The following SGMS2 variants were observed in gnomAD, a reference collection of about 807,000 sequenced individuals.
SGMS2 encodes the protein phosphatidylcholine:ceramide cholinephosphotransferase 2.
In SGMS2, 21 loss-of-function variants were observed where a neutral mutation model predicts 43.8. The observed-to-expected ratio is 0.48, with a 90% CI of 0.34 to 0.69. The LOEUF (loss-of-function observed/expected upper bound fraction) is 0.69. SGMS2 is among the 30% of genes least tolerant of loss of function. The pLI is 0.01. For missense variants in SGMS2, 384 were observed against 443.2 expected (o/e 0.87, Z 1.20); for synonymous variants, 167 against 160.6 (o/e 1.04, Z -0.30).
intron 2 of SGMS2, among the ~76,000 whole-genome samples, chr4:107,865,967 C>G (rs898007856): frequency 2.6e-5 from 4 of 152,104 alleles, no homozygotes; most frequent in African/African-American, 9.7e-5. Context: ...ATGCCAATGG[C>G]CAATCATTTA....
chr4:107,895,499 T>C lies in SGMS2; in HGVS notation c.-55T>C. On this transcript the variant is annotated 5_prime_UTR_variant, in exon 3 of 7. Transcript: ENST00000690982. ...TAGAAGGATTGAAAAAAGCTAAATT[T>C]CCACAAAGAACAAGAACTTGACCAT... 1 of 1,526,092 alleles carries C rather than the reference T, an allele frequency of 6.6e-7. No homozygotes were observed. The highest frequency in any genetic ancestry group is 8.8e-7 in the Non-Finnish European group (1 of 1,134,926). The allele number at this position is 1,526,092 out of a possible 1,614,324, so 94.5% of individuals were successfully genotyped here.
intron 1 of SGMS2, among the ~76,000 whole-genome samples, chr4:107,841,642 G>A (rs527899018): frequency 6.6e-6 from 1 of 151,972 alleles, no homozygotes; most frequent in East Asian, 1.9e-4. Flanking sequence ...TTTTTTATGG[G>A]TACATTGTAG....
At position 107,908,578 on chromosome 4, in the gene SGMS2, C is replaced by G. The variant is rs753846430; in HGVS notation, c.741C>G (p.His247Gln). ...TCTACTGTCCAGATTCGCCTCGTCACTTCTGGTGGTATCATTTAATCTGCT... is the reference window on the plus strand; with the variant it reads ...TCTACTGTCCAGATTCGCCTCGTCAGTTCTGGTGGTATCATTTAATCTGCT... ...YLFIKEYSPR[H>Q]FWWYHLICWL... Residue 247 changes from histidine to glutamine, a missense_variant, in exon 6 of 7, where the codon CAC (histidine) becomes CAG (glutamine). Physicochemically the swap from His to Gln is conservative, Grantham distance 24 (BLOSUM62 0). Transcript: ENST00000690982. The G allele has an allele frequency of 6.2e-7, 1 of 1,613,372 alleles. No individual in the cohort carries two copies. Among genetic ancestry groups the G allele is most frequent in the Non-Finnish European group, 8.5e-7 (1 of 1,179,746 alleles).
intron 2 of SGMS2, among the ~76,000 whole-genome samples, chr4:107,862,957 A>C (rs1032347345): frequency 1.3e-5 from 2 of 152,218 alleles, no homozygotes; most frequent in East Asian, 3.8e-4. Context: ...CCTGAGGTCA[A>C]GTGACCTAGA....
intron 1 of SGMS2, among the ~76,000 whole-genome samples, chr4:107,853,540 T>G (rs1727268147): frequency 6.6e-6 from 1 of 152,204 alleles, no homozygotes; most frequent in Non-Finnish European, 1.5e-5. Flanking sequence ...TTCATAATAT[T>G]AAATGATATT....
intron 1 of SGMS2, among the ~76,000 whole-genome samples, chr4:107,851,765 G>A (rs1196455196): frequency 6.6e-6 from 1 of 151,944 alleles, no homozygotes; most frequent in Non-Finnish European, 1.5e-5. Flanking sequence ...TTTACTTTGG[G>A]TTTCATTTCT....
rs56181543 is a variant in SGMS2 at position 107,837,913 on chromosome 4, G to A, written c.-327+12660G>A. Among the ~76,000 whole-genome samples, 40 of 152,268 alleles carry A rather than the reference G, an allele frequency of 2.6e-4. 1 individual carries two copies. The highest frequency in any genetic ancestry group is 9.6e-4 in the African/African-American group (40 of 41,552). On this transcript the variant is annotated intron_variant, in intron 1 of 6. Transcript: ENST00000690982. ...GGGTAAAGAGTTGTAGTGAATGGTG[G>A]TGTAGTTTAGCCATTGATTAGAGTT...
At position 107,863,747 on chromosome 4, in the gene SGMS2, A is replaced by G. The variant is rs892413043; in HGVS notation, c.-245+5194A>G. The G allele has an allele frequency of 3.9e-5, 6 of 152,094 alleles. No homozygotes were observed. In the East Asian group the frequency reaches 1.2e-3, roughly 29 times the overall value. 9.4% of individuals were successfully genotyped at this position (152,094 alleles called of 1,614,324 possible). ...CCTTCTGTTATATCCCCCTTTTTATATAAGATATAATAAAAATGCAGTCAC... is the reference window on the plus strand; with the variant it reads ...CCTTCTGTTATATCCCCCTTTTTATGTAAGATATAATAAAAATGCAGTCAC... On this transcript the variant is annotated intron_variant, in intron 2 of 6. Transcript: ENST00000690982.
intron 6 of SGMS2, among the ~76,000 whole-genome samples, chr4:107,909,241 G>T (rs754795044): frequency 2.4e-4 from 37 of 151,872 alleles, no homozygotes; most frequent in Non-Finnish European, 4.6e-4. Context: ...AAATAGCTGG[G>T]ATTACAGGTG....
chr4:107,851,668 C>A (rs190642157), intron 1 of SGMS2, among the ~76,000 whole-genome samples: 91 of 152,288 alleles, frequency 6.0e-4, no homozygotes, highest in African/African-American at 2.1e-3. Flanking sequence ...TCTCCCTAAG[C>A]AAGAAGGGCA....
At chr4:107,871,984 T>A (rs1371750114) in intron 2 of SGMS2, among the ~76,000 whole-genome samples, 1 of 152,218 alleles carries the variant, frequency 6.6e-6, no homozygotes. Flanking sequence ...AAGTCCATCA[T>A]GACCAGTGTA....
Position 107,825,620 on chromosome 4 carries a change from C to CTTTTT in SGMS2, c.-327+384_-327+388dup, listed in dbSNP as rs201101875. Reference sequence around the variant, plus strand: ...TGTGTGTGGTTTTTCTTTTCTTTCTCTTTTTTTTTTTTTTTTTTTTTGAGA... The same window carrying CTTTTT: ...TGTGTGTGGTTTTTCTTTTCTTTCTCTTTTTTTTTTTTTTTTTTTTTTTTTTGAGA... On this transcript the variant is annotated intron_variant, in intron 1 of 6. Transcript: ENST00000690982. 6.3e-4 allele frequency among the ~76,000 whole-genome samples: 73 copies of CTTTTT among 116,262 alleles called. 1 individual carries two copies. Among genetic ancestry groups the CTTTTT allele is most frequent in the African/African-American group, 2.6e-3 (71 of 27,090 alleles). The allele number at this position is 116,262 out of a possible 152,430, so 76.3% of individuals were successfully genotyped here.
intron 1 of SGMS2, among the ~76,000 whole-genome samples, chr4:107,832,022 C>T (rs1206921150): frequency 6.6e-6 from 1 of 152,184 alleles, no homozygotes; most frequent in African/African-American, 2.4e-5. Context: ...ACAAACCCTA[C>T]TGTCCTCGCC....
At chr4:107,904,637 G>A (rs778188882) in intron 5 of SGMS2, among the ~76,000 whole-genome samples, 4 of 152,122 alleles carry the variant, frequency 2.6e-5, no homozygotes, top group Non-Finnish European at 5.9e-5. Context: ...TACATGTGGG[G>A]TCTTCATACT....
At chr4:107,840,559 A>G (rs1726441879) in intron 1 of SGMS2, among the ~76,000 whole-genome samples, 1 of 152,240 alleles carries the variant, frequency 6.6e-6, no homozygotes, top group Non-Finnish European at 1.5e-5. Context: ...GAAATAGGAA[A>G]GGAAAGATCT....
In SGMS2 at chr4:107,914,612, AT is replaced by A. The variant is rs35071174; in HGVS notation, c.*4064del. On this transcript the variant is annotated 3_prime_UTR_variant, in exon 7 of 7. Transcript: ENST00000690982. ...TAGATTCATTATTTTCCTGACATATATTTTTCATTATGATATCTACTGTATG... is the reference window on the plus strand; with the variant it reads ...TAGATTCATTATTTTCCTGACATATATTTTCATTATGATATCTACTGTATG... 2.3e-3 allele frequency: 349 copies of A among 151,946 alleles called. 6 individuals are homozygous for A. The highest frequency in any genetic ancestry group is 0.022 in the Admixed American group (333 of 15,244). The allele number at this position is 151,946 out of a possible 1,614,324, so 9.4% of individuals were successfully genotyped here. A position where few individuals can be genotyped will look rare whatever the true frequency, so the allele number is the denominator to read the frequency against.
chr4:107,831,617 C>T (rs930392215), intron 1 of SGMS2, among the ~76,000 whole-genome samples: 4 of 152,132 alleles, frequency 2.6e-5, no homozygotes, highest in Non-Finnish European at 5.9e-5. Flanking sequence ...AGTTCAGTCC[C>T]GTTGTGTCAA....
chr4:107,843,168 G>GTT (rs911201117), intron 1 of SGMS2, among the ~76,000 whole-genome samples: 3 of 143,056 alleles, frequency 2.1e-5, no homozygotes, highest in African/African-American at 2.5e-5. Flanking sequence ...AGACTCACTG[G>GTT]TTTTTTTTTT....
At chr4:107,871,068 A>G (rs898835750) in intron 2 of SGMS2, among the ~76,000 whole-genome samples, 1 of 152,138 alleles carries the variant, frequency 6.6e-6, no homozygotes, top group African/African-American at 2.4e-5. Flanking sequence ...TTCTAAGCCC[A>G]TTTCACCCTT....
Sources: allele counts gnomAD v4.1 joint callset (sites outside exome capture counted in the v4.1 genomes callset), GRCh38; gene constraint gnomAD v4.1.1; transcripts MANE v1.5; gene names NCBI Gene and HGNC (gene_info 2026-07-23, HGNC 2026-07-21).